TMEM116: variants seen among roughly 807,000 people sequenced by gnomAD.
The protein encoded by TMEM116 is transmembrane protein 116.
TMEM116 carries 38 observed loss-of-function variants against 44.3 expected under a neutral mutation model. That is an observed-to-expected ratio of 0.86 (90% CI 0.66 to 1.12). The LOEUF is 1.12. Ranked by LOEUF, TMEM116 falls within the 50% of genes most tolerant of loss-of-function variation. The pLI, the probability that TMEM116 is intolerant of heterozygous loss-of-function variation, is 0.00. For synonymous variants in TMEM116, 132 were observed against 144.8 expected (o/e 0.91, Z 0.64); for missense variants, 354 against 401.7 (o/e 0.88, Z 1.01).
chr12:111,983,450 A>C (rs1315198198), intron 4 of TMEM116, among the ~76,000 whole-genome samples: 2 of 151,748 alleles, frequency 1.3e-5, no homozygotes, highest in Admixed American at 6.6e-5. Flanking sequence ...TAAAAAAAAA[A>C]CACAAAAAAA....
At chr12:111,978,309 G>C (rs1241836444) in intron 4 of TMEM116, among the ~76,000 whole-genome samples, 1 of 151,920 alleles carries the variant, frequency 6.6e-6, no homozygotes, top group Non-Finnish European at 1.5e-5. Context: ...GCTGAGGCAG[G>C]AGAATCGCTT....
At chr12:111,963,755 T>C (rs2074781822) in intron 4 of TMEM116, among the ~76,000 whole-genome samples, 1 of 152,140 alleles carries the variant, frequency 6.6e-6, no homozygotes, top group Admixed American at 6.5e-5. Flanking sequence ...CCATGGCACA[T>C]GTATACCTAT....
In TMEM116 at chr12:112,005,238, T is replaced by A. The variant is rs775452399; in HGVS notation, c.14+19A>T. ...CTTTGCTTATACTAGTTTAGTTATATGAGATTAAATAAACATACCTCAGAG... is the reference window on the plus strand; with the variant it reads ...CTTTGCTTATACTAGTTTAGTTATAAGAGATTAAATAAACATACCTCAGAG... On this transcript the variant is annotated intron_variant, in intron 2 of 10. Coordinates refer to ENST00000552374, the MANE Select transcript of TMEM116 (RefSeq NM_001193531.2). The A allele has an allele frequency of 3.6e-6, 5 of 1,370,856 alleles. No homozygotes were observed. The South Asian group carries it at 8.5e-5, about 23-fold the overall frequency. 84.9% of individuals were successfully genotyped at this position (1,370,856 alleles called of 1,614,324 possible).
chr12:111,983,305 G>A (rs374857244), intron 4 of TMEM116, among the ~76,000 whole-genome samples: 23 of 151,660 alleles, frequency 1.5e-4, no homozygotes, highest in South Asian at 8.4e-4. Flanking sequence ...GCATGGTGGC[G>A]TATGCCTGTA....
chr12:111,938,119 T>C, intron 6 of TMEM116, 42 bp downstream of exon 6: 1 of 1,407,628 alleles, frequency 7.1e-7, no homozygotes, highest in Non-Finnish European at 9.8e-7. Context: ...ACCAGAATAA[T>C]GAGAGTCTAC....
At chr12:111,955,909 A>G (rs565779235) in intron 4 of TMEM116, among the ~76,000 whole-genome samples, 2 of 152,322 alleles carry the variant, frequency 1.3e-5, no homozygotes, top group South Asian at 2.1e-4. Context: ...ATAGTAGGCT[A>G]TATCATCTAG....
At position 111,943,344 on chromosome 12, in the gene TMEM116, T is replaced by C. The variant is rs1188608849; in HGVS notation, c.236A>G (p.Tyr79Cys). 3 of 1,613,880 alleles carry C rather than the reference T, an allele frequency of 1.9e-6. No individual in the cohort carries two copies. The highest frequency in any genetic ancestry group is 2.2e-5 in the South Asian group (2 of 91,078). ...CAAATACCAGATGTAATTGACGGTG[T>C]AGAGAAATGAGGAAATGTAGAATAT... Reference protein sequence around the residue: ...GQIFYISSFLYTVNYIWYLYT... With the variant: ...GQIFYISSFLCTVNYIWYLYT... Residue 79 changes from tyrosine (Y) to cysteine (C), a missense_variant, in exon 5 of 11, where the codon TAC becomes TGC. Tyr to Cys is a radical substitution (Grantham distance 194). Coordinates refer to ENST00000552374, the MANE Select transcript of TMEM116 (RefSeq NM_001193531.2).
intron 4 of TMEM116, among the ~76,000 whole-genome samples, chr12:111,947,187 T>C (rs1565884663): frequency 6.6e-6 from 1 of 151,912 alleles, no homozygotes; most frequent in Non-Finnish European, 1.5e-5. Flanking sequence ...TTTTTTTTTT[T>C]TGCTTTTAAA....
At chr12:111,964,395 T>C (rs1203779465) in intron 4 of TMEM116, among the ~76,000 whole-genome samples, 1 of 141,772 alleles carries the variant, frequency 7.1e-6, no homozygotes, top group Admixed American at 7.4e-5. Flanking sequence ...TGAGCTGAGA[T>C]CACACCAATG....
At chr12:111,995,182 G>A (rs558161887) in intron 3 of TMEM116, among the ~76,000 whole-genome samples, 9 of 152,210 alleles carry the variant, frequency 5.9e-5, no homozygotes, top group African/African-American at 2.2e-4. Context: ...ATAGTTTCAG[G>A]AGGTCTCCCT....
chr12:111,992,115 T>C (rs962144577), intron 3 of TMEM116, among the ~76,000 whole-genome samples: 3 of 152,242 alleles, frequency 2.0e-5, no homozygotes, highest in South Asian at 2.1e-4. Context: ...AGAGTACTCA[T>C]GGATAGATTA....
intron 2 of TMEM116, 117 bp downstream of exon 2, chr12:112,005,140 A>C (rs1343679491): frequency 6.5e-6 from 4 of 613,532 alleles, no homozygotes; most frequent in Non-Finnish European, 1.0e-5. Context: ...GATAAAGAAT[A>C]TCATTTCTCT....
chr12:111,996,945 T>C (rs1442716798), intron 3 of TMEM116, among the ~76,000 whole-genome samples: 4 of 152,196 alleles, frequency 2.6e-5, no homozygotes, highest in Non-Finnish European at 5.9e-5. Flanking sequence ...AAAATACATA[T>C]AGCATTATTC....
At chr12:112,007,132 A>AT in intron 1 of TMEM116, among the ~76,000 whole-genome samples, 7 of 152,110 alleles carry the variant, frequency 4.6e-5, no homozygotes, top group African/African-American at 1.7e-4. Flanking sequence ...AAAATAAAAC[A>AT]CGGCCAGTGT....
At chr12:111,942,234 G>A (rs574875151) in intron 5 of TMEM116, among the ~76,000 whole-genome samples, 2 of 151,744 alleles carry the variant, frequency 1.3e-5, no homozygotes, top group Admixed American at 1.3e-4. Flanking sequence ...CACCACGCCC[G>A]GCTAACACTT....
In TMEM116 at chr12:111,931,737, G is replaced by A. The variant is rs375123049; in HGVS notation, c.898C>T (p.Arg300Cys). The A allele has an allele frequency of 1.1e-5, 18 of 1,611,902 alleles. No individual in the cohort carries two copies. The highest frequency in any genetic ancestry group is 4.5e-5 in the East Asian group (2 of 44,854). ...KFHQLKQEAR[R>C]DADTQTPLLC... ...AATGGTGTCTGGGTATCTGCATCAC[G>A]CCGAGCCTCCTGCTTTAGTTGGTGG... is the stretch of plus-strand genomic sequence containing the variant. Residue 300 changes from arginine to cysteine, a missense_variant, in exon 11 of 11, where the codon CGT (arginine) becomes TGT (cysteine). By Grantham distance (180) the Arg-to-Cys change is radical. Transcript: ENST00000552374.
At chr12:111,955,330 C>T (rs192155135) in intron 4 of TMEM116, among the ~76,000 whole-genome samples, 276 of 152,148 alleles carry the variant, frequency 1.8e-3, no homozygotes, top group Non-Finnish European at 3.3e-3. Flanking sequence ...CCAGGGTCTG[C>T]GGGTTGGACC....
At chr12:111,978,159 T>G (rs2075767913) in intron 4 of TMEM116, among the ~76,000 whole-genome samples, 1 of 150,034 alleles carries the variant, frequency 6.7e-6, no homozygotes, top group Non-Finnish European at 1.5e-5. Context: ...CCCAGCACTT[T>G]GGGAGGCCGA....
chr12:111,999,197 A>C (rs556744018), intron 3 of TMEM116, among the ~76,000 whole-genome samples: 79 of 152,096 alleles, frequency 5.2e-4, no homozygotes, highest in South Asian at 8.3e-4. Flanking sequence ...TTAAAAAAAA[A>C]CCCACATATA....
Sources: allele counts gnomAD v4.1 joint callset (sites outside exome capture counted in the v4.1 genomes callset), GRCh38; gene constraint gnomAD v4.1.1; transcripts MANE v1.5; gene names NCBI Gene and HGNC (gene_info 2026-07-23, HGNC 2026-07-21).